Variants in P3H2 observed in about 807,000 individuals in gnomAD.
P3H2 encodes leprecan-like 1.
Under a neutral mutation model 87.0 loss-of-function variants are expected in P3H2, and 80 were observed. The ratio of observed to expected loss-of-function variants is 0.92; its 90% CI spans 0.77 to 1.11. P3H2 has a LOEUF of 1.11. Among genes scored for constraint, P3H2 ranks in the 50% least tolerant of loss-of-function variants. The probability of loss-of-function intolerance (pLI) is 0.00; values close to 1 mark genes in which losing one functional copy is unlikely to be tolerated. For missense variants in P3H2, 1,001 were observed against 923.9 expected (o/e 1.08, Z -1.08); for synonymous variants, 367 against 359.3 (o/e 1.02, Z -0.24).
intron 1 of P3H2, among the ~76,000 whole-genome samples, chr3:190,032,107 T>C (rs1328277588): frequency 1.3e-5 from 2 of 152,208 alleles, no homozygotes; most frequent in Non-Finnish European, 1.5e-5. Context: ...CAGAAATGCA[T>C]GTCCAACGAG....
At chr3:190,098,226 T>C (rs1356814480) in intron 1 of P3H2, among the ~76,000 whole-genome samples, 1 of 152,046 alleles carries the variant, frequency 6.6e-6, no homozygotes, top group African/African-American at 2.4e-5. Context: ...TGTTCCATAA[T>C]CAATATTAGT....
chr3:190,005,775 T>C (rs147744964), intron 1 of P3H2, among the ~76,000 whole-genome samples: 1,606 of 152,314 alleles, frequency 0.011, 19 homozygotes, highest in Non-Finnish European at 0.016. Flanking sequence ...AAGGGGAATT[T>C]TATTCCAAAG....
chr3:190,014,683 GCTCA>G (rs1450794161), intron 1 of P3H2, among the ~76,000 whole-genome samples: 1 of 152,124 alleles, frequency 6.6e-6, no homozygotes, highest in Non-Finnish European at 1.5e-5. Flanking sequence ...ATAATGAAAA[GCTCA>G]CTGTCTTCTT....
chr3:190,010,407 G>T (rs1724548851), intron 1 of P3H2, among the ~76,000 whole-genome samples: 1 of 152,184 alleles, frequency 6.6e-6, no homozygotes, highest in Non-Finnish European at 1.5e-5. Flanking sequence ...ATTTGGAGAT[G>T]AAACCTCTAA....
At chr3:190,047,009 A>G (rs1725827532) in intron 1 of P3H2, among the ~76,000 whole-genome samples, 1 of 147,540 alleles carries the variant, frequency 6.8e-6, no homozygotes, top group African/African-American at 2.5e-5. Context: ...ATTAATAACT[A>G]GAATATATAA....
At chr3:190,060,510 G>C (rs930574503) in intron 1 of P3H2, among the ~76,000 whole-genome samples, 3 of 152,088 alleles carry the variant, frequency 2.0e-5, no homozygotes, top group African/African-American at 7.2e-5. Flanking sequence ...CCTGGAAGTG[G>C]TTTCCTCTCA....
At chr3:190,077,740 CA>C (rs1726916163) in intron 1 of P3H2, among the ~76,000 whole-genome samples, 1 of 152,108 alleles carries the variant, frequency 6.6e-6, no homozygotes, top group Non-Finnish European at 1.5e-5. Context: ...ACATTATAAG[CA>C]GAGGAAATGT....
intron 1 of P3H2, among the ~76,000 whole-genome samples, chr3:190,105,450 T>C (rs969038708): frequency 1.3e-5 from 2 of 152,200 alleles, no homozygotes; most frequent in African/African-American, 4.8e-5. Flanking sequence ...CTGTTTCTCA[T>C]ATATGGTTTT....
At chr3:189,962,273 C>CT (rs1722842763) in intron 14 of P3H2, among the ~76,000 whole-genome samples, 1 of 146,572 alleles carries the variant, frequency 6.8e-6, no homozygotes, top group Non-Finnish European at 1.5e-5. Flanking sequence ...CTCCTGGGTT[C>CT]AAGCGATTCC....
rs556610168 is a variant in P3H2, at chr3:190,120,237, G to A, written c.480+15C>T. ...GCCGCAGGGGCTTTGCAGTGGAGGA[G>A]CGCTCTGTGGGTACCTTGATGTAGG... On this transcript the variant is annotated intron_variant, in intron 1 of 14. Transcript: ENST00000319332. 1.2e-6 allele frequency: 2 copies of A among 1,607,454 alleles called. No individual in the cohort carries two copies. The highest frequency in any genetic ancestry group is 2.2e-5 in the East Asian group (1 of 44,752).
chr3:190,094,699 A>T (rs908988264), intron 1 of P3H2, among the ~76,000 whole-genome samples: 6 of 152,214 alleles, frequency 3.9e-5, no homozygotes, highest in African/African-American at 7.2e-5. Context: ...TAAAACTGAG[A>T]TAATAAAAAG....
chr3:190,066,158 T>TACACACACACACACAC (rs796289092), intron 1 of P3H2, among the ~76,000 whole-genome samples: 3 of 134,590 alleles, frequency 2.2e-5, no homozygotes, highest in African/African-American at 9.3e-5. Context: ...TATATATATA[T>TACACACACACACACAC]ACACACACAC....
rs1321221619 is a variant in P3H2, at chr3:189,986,897, G to T, written c.1099-20C>A. ...TAAATCCTAGAGAAAAAGAAGTAAA[G>T]AAAGACATTTTTTATTTAAATAGCA... is the stretch of plus-strand genomic sequence containing the variant. On this transcript the variant is annotated intron_variant, in intron 5 of 14. Transcript: ENST00000319332. 5.9e-6 allele frequency: 9 copies of T among 1,528,544 alleles called. No homozygotes were observed. Among genetic ancestry groups the T allele is most frequent in the Non-Finnish European group, 7.3e-6 (8 of 1,102,490 alleles). 94.7% of individuals were successfully genotyped at this position (1,528,544 alleles called of 1,614,324 possible).
At chr3:190,043,457 T>C (rs551938658) in intron 1 of P3H2, among the ~76,000 whole-genome samples, 1 of 152,268 alleles carries the variant, frequency 6.6e-6, no homozygotes, top group East Asian at 1.9e-4. Context: ...AAACTTGTAC[T>C]TTACACAGGT....
At chr3:190,118,916 A>G (rs1396650631) in intron 1 of P3H2, among the ~76,000 whole-genome samples, 1 of 151,480 alleles carries the variant, frequency 6.6e-6, no homozygotes, top group Non-Finnish European at 1.5e-5. Flanking sequence ...AACATGGTGA[A>G]ACCCCTTCGC....
chr3:190,000,932 C>T (rs13092786), intron 1 of P3H2, among the ~76,000 whole-genome samples: 300 of 152,290 alleles, frequency 2.0e-3, no homozygotes, highest in Non-Finnish European at 3.1e-3. Flanking sequence ...TCCTAGAGGG[C>T]AGAAGAGCAC....
intron 1 of P3H2, among the ~76,000 whole-genome samples, chr3:190,091,166 A>G (rs2035507994): frequency 6.6e-6 from 1 of 152,222 alleles, no homozygotes; most frequent in Admixed American, 6.5e-5. Context: ...AGTAATCCAA[A>G]AATTATGTGT....
intron 1 of P3H2, among the ~76,000 whole-genome samples, chr3:190,098,158 T>C (rs1049556236): frequency 6.6e-6 from 1 of 152,248 alleles, no homozygotes; most frequent in Non-Finnish European, 1.5e-5. Flanking sequence ...TTGTATACAC[T>C]ACATTTGTAT....
In P3H2 at chr3:190,120,656, G is replaced by T; in HGVS notation, c.76C>A (p.Pro26Thr). 1 of 1,524,894 alleles carries T rather than the reference G, an allele frequency of 6.6e-7. No homozygotes were observed. Among genetic ancestry groups the T allele is most frequent in the East Asian group, 2.5e-5 (1 of 39,696 alleles). 94.5% of individuals were successfully genotyped at this position (1,524,894 alleles called of 1,614,324 possible). ...AGCTCCCGGCGTGGGCTGTCCGGGG[G>T]GCCGCCCCACAGTGGCGGCGGCAGT... is the stretch of plus-strand genomic sequence containing the variant. The part of the protein sequence containing the change: ...LLLPPPLWGG[P>T]PDSPRRELEL... Residue 26 changes from proline to threonine, a missense_variant, in exon 1 of 15, where the codon CCC becomes ACC. Transcript: ENST00000319332.
Sources: allele counts gnomAD v4.1 joint callset (sites outside exome capture counted in the v4.1 genomes callset), GRCh38; gene constraint gnomAD v4.1.1; transcripts MANE v1.5; gene names NCBI Gene and HGNC (gene_info 2026-07-23, HGNC 2026-07-21).